The following NR3C1 variants were observed in gnomAD, a reference collection of about 807,000 sequenced individuals.
NR3C1 encodes the protein glucocorticoid receptor.
NR3C1 carries 14 observed loss-of-function variants against 74.0 expected under a neutral mutation model. The observed-to-expected ratio is 0.19, with a 90% CI of 0.12 to 0.30. The LOEUF (loss-of-function observed/expected upper bound fraction) is 0.30, where lower values mean the gene tolerates loss of function less well. Ranked by LOEUF, NR3C1 falls within the 10% of genes least tolerant of loss-of-function variation. NR3C1 has a pLI of 1.00. For missense variants in NR3C1, 695 were observed against 909.8 expected, an observed-to-expected ratio of 0.76 and a Z score of 3.04; for synonymous variants, 308 against 332.5, an observed-to-expected ratio of 0.93 and a Z score of 0.80.
intron 1 of NR3C1, among the ~76,000 whole-genome samples, chr5:143,410,040 T>C (rs1429380990): frequency 6.6e-6 from 1 of 152,248 alleles, no homozygotes; most frequent in African/African-American, 2.4e-5. Flanking sequence ...GAGATAAATG[T>C]TGCCATAAGC....
chr5:143,388,015 C>A (rs1337679381), intron 2 of NR3C1, among the ~76,000 whole-genome samples: 2 of 152,124 alleles, frequency 1.3e-5, no homozygotes, highest in Non-Finnish European at 2.9e-5. Context: ...GCTTCTGCTA[C>A]AAAAGTTCCT....
At chr5:143,415,025 G>T (rs1841430946) in intron 1 of NR3C1, among the ~76,000 whole-genome samples, 1 of 151,974 alleles carries the variant, frequency 6.6e-6, no homozygotes, top group South Asian at 2.1e-4. Flanking sequence ...TGTGTAGACG[G>T]CATTAGAAGG....
chr5:143,421,438 C>A (rs1256367270), intron 1 of NR3C1, among the ~76,000 whole-genome samples: 1 of 152,136 alleles, frequency 6.6e-6, no homozygotes, highest in Non-Finnish European at 1.5e-5. Context: ...CTTCAGAGTC[C>A]TTCCCTGTAA....
At chr5:143,286,098 A>G (rs573648505) in intron 7 of NR3C1, among the ~76,000 whole-genome samples, 2 of 152,304 alleles carry the variant, frequency 1.3e-5, no homozygotes, top group East Asian at 3.9e-4. Context: ...ACTTTATACC[A>G]ATAAATTCAA....
At chr5:143,355,673 C>T (rs1276491829) in intron 2 of NR3C1, among the ~76,000 whole-genome samples, 3 of 151,996 alleles carry the variant, frequency 2.0e-5, no homozygotes, top group South Asian at 2.1e-4. Context: ...TGAGAAATTC[C>T]GTTTAACTAT....
In NR3C1 at chr5:143,401,756, A is replaced by C. The variant is rs536678245; in HGVS notation, c.-13-904T>G. ...CTCTAAGTTCTTTCCTTTCCAAACA[A>C]ATATCGAAGTACTGAAAAATGGAAA... is the stretch of plus-strand genomic sequence containing the variant. On this transcript the variant is annotated intron_variant, in intron 1 of 8. Coordinates refer to ENST00000394464, the MANE Select transcript of NR3C1 (RefSeq NM_000176.3). 1.3e-4 allele frequency among the ~76,000 whole-genome samples: 20 copies of C among 152,356 alleles called. No homozygotes were observed. The South Asian group carries it at 3.5e-3, about 27-fold the overall frequency.
chr5:143,282,096 C>A (rs936441354), intron 8 of NR3C1, 55 bp from the exon 9 acceptor site: 1 of 1,595,592 alleles, frequency 6.3e-7, no homozygotes, highest in Non-Finnish European at 8.6e-7. Context: ...GTGGGAACAT[C>A]TCATGTTTGT....
chr5:143,426,521 C>T (rs1751538284), intron 1 of NR3C1, among the ~76,000 whole-genome samples: 1 of 152,084 alleles, frequency 6.6e-6, no homozygotes, highest in Non-Finnish European at 1.5e-5. Flanking sequence ...TACAAAAACA[C>T]GTGTTTTGCA....
At chr5:143,391,140 A>AT (rs1378025774) in intron 2 of NR3C1, among the ~76,000 whole-genome samples, 3 of 152,190 alleles carry the variant, frequency 2.0e-5, no homozygotes, top group Non-Finnish European at 2.9e-5. Flanking sequence ...TCTGATTAAA[A>AT]TTTTTTTAAG....
rs1491541802 is a variant in NR3C1 at position 143,285,968 on chromosome 5, ATT to A, written c.2024-3245_2024-3244del. Among the ~76,000 whole-genome samples the A allele has an allele frequency of 4.4e-4, 50 of 114,586 alleles. 1 individual carries two copies. Among genetic ancestry groups the A allele is most frequent in the South Asian group, 1.7e-3 (6 of 3,440 alleles). 75.2% of individuals were successfully genotyped at this position (114,586 alleles called of 152,430 possible). On this transcript the variant is annotated intron_variant, in intron 7 of 8. Transcript: ENST00000394464. ...AACTGAAAAACTTTTAGCCAGACTG[ATT>A]AAAAAAAAAAAAAAAAAGCAAGAAT...
intron 2 of NR3C1, among the ~76,000 whole-genome samples, chr5:143,384,320 C>T (rs1227773285): frequency 7.2e-5 from 11 of 152,138 alleles, no homozygotes; most frequent in Admixed American, 3.9e-4. Context: ...ATTCTGCCCC[C>T]GGCCCCTCCT....
At chr5:143,306,561 A>C (rs1319798900) in intron 4 of NR3C1, among the ~76,000 whole-genome samples, 1 of 152,226 alleles carries the variant, frequency 6.6e-6, no homozygotes, top group African/African-American at 2.4e-5. Context: ...CAATTCATCT[A>C]CAAGTAGAAT....
In NR3C1 at chr5:143,355,476, T is replaced by TA. The variant is rs547832622; in HGVS notation, c.1185-41309dup. On this transcript the variant is annotated intron_variant, in intron 2 of 8. Coordinates refer to ENST00000394464, the MANE Select transcript of NR3C1 (RefSeq NM_000176.3). ...GGGTGACAGAGCAAGACCCTGTCTT[T>TA]AAAAAATAATAAATAAATAAATAAA... Among the ~76,000 whole-genome samples the TA allele has an allele frequency of 1.0e-3, 154 of 151,250 alleles. 3 individuals are homozygous for TA. In the East Asian group the frequency reaches 0.022, roughly 22 times the overall value.
intron 2 of NR3C1, among the ~76,000 whole-genome samples, chr5:143,376,383 T>G (rs1284499599): frequency 6.6e-6 from 1 of 152,204 alleles, no homozygotes; most frequent in Non-Finnish European, 1.5e-5. Flanking sequence ...TCTTTACTTC[T>G]TGCACATGAT....
rs1812803369 is a variant in NR3C1, at chr5:143,279,590, T to TA, written c.*2298dup. 2.0e-6 allele frequency: 1 copy of TA among 495,924 alleles called. No individual in the cohort carries two copies. The highest frequency in any genetic ancestry group is 6.0e-5 in the South Asian group (1 of 16,726). 30.7% of individuals were successfully genotyped at this position (495,924 alleles called of 1,614,324 possible). ...TTCAAAAAGCAAATGATTGTTTTTT[T>TA]ATTAAATAATTTCTCCAAAATACTG... On this transcript the variant is annotated 3_prime_UTR_variant, in exon 9 of 9. Coordinates refer to ENST00000394464, the MANE Select transcript of NR3C1 (RefSeq NM_000176.3).
intron 2 of NR3C1, among the ~76,000 whole-genome samples, chr5:143,357,601 T>A (rs1371173547): frequency 1.3e-5 from 2 of 152,190 alleles, no homozygotes; most frequent in African/African-American, 4.8e-5. Flanking sequence ...CTTGCTCTCC[T>A]TCAGTTTCCA....
At chr5:143,320,797 A>G (rs1317542739) in intron 2 of NR3C1, among the ~76,000 whole-genome samples, 1 of 152,192 alleles carries the variant, frequency 6.6e-6, no homozygotes, top group Non-Finnish European at 1.5e-5. Flanking sequence ...CTTACTTCCT[A>G]ACAGCTGTAT....
chr5:143,360,169 C>T (rs1831959225), intron 2 of NR3C1, among the ~76,000 whole-genome samples: 1 of 152,196 alleles, frequency 6.6e-6, no homozygotes, highest in Non-Finnish European at 1.5e-5. Flanking sequence ...ACATTTTACA[C>T]ACACATGATT....
At chr5:143,317,311 C>A (rs556155740) in intron 2 of NR3C1, among the ~76,000 whole-genome samples, 16 of 152,170 alleles carry the variant, frequency 1.1e-4, no homozygotes, top group African/African-American at 3.9e-4. Flanking sequence ...CAAAAGTATA[C>A]CATAGTAAGA....
Sources: allele counts gnomAD v4.1 joint callset (sites outside exome capture counted in the v4.1 genomes callset), GRCh38; gene constraint gnomAD v4.1.1; transcripts MANE v1.5; gene names NCBI Gene and HGNC (gene_info 2026-07-23, HGNC 2026-07-21).